NCOR1: variants seen among roughly 807,000 people sequenced by gnomAD.
NCOR1 encodes the protein protein phosphatase 1, regulatory subunit 109.
Under a neutral mutation model 288.1 loss-of-function variants are expected in NCOR1, and 63 were observed. The observed-to-expected ratio is 0.22, with a 90% CI of 0.18 to 0.27. The LOEUF is 0.27. Ranked by LOEUF, NCOR1 falls within the 10% of genes least tolerant of loss-of-function variation. The probability of loss-of-function intolerance (pLI) is 1.00; values close to 1 mark genes in which losing one functional copy is unlikely to be tolerated. For missense variants in NCOR1, 2,397 were observed against 3,019.2 expected (o/e 0.79, Z 4.83); for synonymous variants, 1,007 against 1,065.9 (o/e 0.94, Z 1.08).
intron 14 of NCOR1, among the ~76,000 whole-genome samples, chr17:16,130,415 C>G (rs754122980): frequency 1.3e-5 from 2 of 151,934 alleles, no homozygotes; most frequent in African/African-American, 4.8e-5. Flanking sequence ...AGGTCCACCC[C>G]TTCAAAAGAA....
chr17:16,165,254 A>T, intron 4 of NCOR1, 93 bp from the exon 5 acceptor site: 1 of 965,316 alleles, frequency 1.0e-6, no homozygotes, highest in South Asian at 1.9e-5. Context: ...ACCACAGCAG[A>T]GCCATGTGTA....
In NCOR1 at chr17:16,164,228, G is replaced by C. The variant is rs2081520890; in HGVS notation, c.618+751C>G. On this transcript the variant is annotated intron_variant, in intron 5 of 45. Coordinates refer to ENST00000268712, the MANE Select transcript of NCOR1 (RefSeq NM_006311.4). ...TGCACTCCAGCCTCGGTGACAGAGT[G>C]AGACTCCAAATCTGGAAAAAAAAAA... Among the ~76,000 whole-genome samples the C allele has an allele frequency of 2.1e-5, 3 of 143,220 alleles. No homozygotes were observed. In the Admixed American group the frequency reaches 2.2e-4, roughly 10 times the overall value. 94.0% of individuals were successfully genotyped at this position (143,220 alleles called of 152,430 possible). A position where few individuals can be genotyped will look rare whatever the true frequency, so the allele number is the denominator to read the frequency against.
intron 5 of NCOR1, among the ~76,000 whole-genome samples, chr17:16,163,106 G>A (rs533102766): frequency 3.3e-5 from 5 of 152,158 alleles, no homozygotes; most frequent in Middle Eastern, 3.4e-3. Flanking sequence ...ATCTGTGACC[G>A]CGAATTAGGC....
At chr17:16,176,749 G>C (rs73280301) in intron 3 of NCOR1, among the ~76,000 whole-genome samples, 4,816 of 152,046 alleles carry the variant, frequency 0.032, 322 homozygotes, top group African/African-American at 0.11. Flanking sequence ...GAAGTTTGTA[G>C]CCTGACTCTT....
At chr17:16,160,132 C>G (rs1337830528) in intron 5 of NCOR1, among the ~76,000 whole-genome samples, 2 of 152,006 alleles carry the variant, frequency 1.3e-5, no homozygotes, top group Non-Finnish European at 2.9e-5. Flanking sequence ...ACGCCTGGCT[C>G]CCTTAACTCA....
chr17:16,175,387 ACT>A (rs1282712900), intron 3 of NCOR1, among the ~76,000 whole-genome samples: 1 of 151,698 alleles, frequency 6.6e-6, no homozygotes, highest in Non-Finnish European at 1.5e-5. Flanking sequence ...AAAAAAAAAA[ACT>A]CTGTAGGCTT....
rs144682618 is a variant in NCOR1, at chr17:16,179,225, G to C, written c.243-7230C>G. Among the ~76,000 whole-genome samples the C allele has an allele frequency of 4.4e-3, 667 of 152,016 alleles. 5 individuals are homozygous for C. Among genetic ancestry groups the C allele is most frequent in the African/African-American group, 0.015 (626 of 41,486 alleles). ...TGAAATCAGAAAGGAAATTTATAAA[G>C]GTAATTATATTTCAAAATAACTTAG... is the stretch of plus-strand genomic sequence containing the variant. On this transcript the variant is annotated intron_variant, in intron 3 of 45. Coordinates refer to ENST00000268712, the MANE Select transcript of NCOR1 (RefSeq NM_006311.4).
chr17:16,124,427 G>A (rs765604468), intron 15 of NCOR1, among the ~76,000 whole-genome samples: 3 of 152,170 alleles, frequency 2.0e-5, no homozygotes, highest in Non-Finnish European at 2.9e-5. Context: ...GGAGCATATG[G>A]GAACCGTTTG....
chr17:16,123,792 C>T lies in NCOR1; in HGVS notation c.1634+2290G>A, dbSNP rs1368479361. On this transcript the variant is annotated intron_variant, in intron 15 of 45. Coordinates refer to ENST00000268712, the MANE Select transcript of NCOR1 (RefSeq NM_006311.4). Reference sequence around the variant, plus strand: ...CTTCTTAATCTGCCAAAGCACTTAACTGGTCGTCTGTTGACTTCTTACTGC... The same window carrying T: ...CTTCTTAATCTGCCAAAGCACTTAATTGGTCGTCTGTTGACTTCTTACTGC... Among the ~76,000 whole-genome samples the T allele has an allele frequency of 9.2e-5, 14 of 152,202 alleles. No homozygotes were observed. The East Asian group carries it at 2.7e-3, about 29-fold the overall frequency.
chr17:16,167,094 A>G (rs888575712), intron 4 of NCOR1, among the ~76,000 whole-genome samples: 4 of 152,234 alleles, frequency 2.6e-5, no homozygotes, highest in Non-Finnish European at 4.4e-5. Context: ...AGAAACATAT[A>G]TAATAGCAAA....
At chr17:16,182,469 G>A (rs1212995553) in intron 3 of NCOR1, among the ~76,000 whole-genome samples, 1 of 151,360 alleles carries the variant, frequency 6.6e-6, no homozygotes, top group Non-Finnish European at 1.5e-5. Context: ...TATTTTTTTT[G>A]TTTGAGACGG....
Position 16,211,023 on chromosome 17 carries a change from G to A in NCOR1, c.-71+4339C>T, listed in dbSNP as rs142320800. 1.1e-4 allele frequency among the ~76,000 whole-genome samples: 16 copies of A among 152,074 alleles called. No individual in the cohort carries two copies. In the East Asian group the frequency reaches 2.5e-3, roughly 24 times the overall value. On this transcript the variant is annotated intron_variant, in intron 1 of 45. Transcript: ENST00000268712. ...TGAGATTACAGGTGTGAGCCACCGC[G>A]CCTGGCCGATTTTTAAGTGTCAATC...
At chr17:16,050,040 G>A (rs1000411210) in intron 40 of NCOR1, among the ~76,000 whole-genome samples, 13 of 151,912 alleles carry the variant, frequency 8.6e-5, no homozygotes, top group South Asian at 4.2e-4. Context: ...ACAGGCATGC[G>A]TCACCATGCC....
At chr17:16,092,154 G>T in intron 21 of NCOR1, 96 bp from the exon 22 acceptor site, 1 of 1,388,514 alleles carries the variant, frequency 7.2e-7, no homozygotes, top group South Asian at 1.3e-5. Context: ...TCATGTTATT[G>T]GTTGAATTGA....
At chr17:16,192,756 C>A (rs1481145106) in intron 2 of NCOR1, among the ~76,000 whole-genome samples, 2 of 152,244 alleles carry the variant, frequency 1.3e-5, no homozygotes, top group African/African-American at 2.4e-5. Flanking sequence ...AATTTACATA[C>A]AACAAACATA....
At chr17:16,210,040 A>G (rs2091969671) in intron 1 of NCOR1, among the ~76,000 whole-genome samples, 2 of 152,090 alleles carry the variant, frequency 1.3e-5, no homozygotes, top group Admixed American at 1.3e-4. Context: ...AAAAATCCAG[A>G]AGTCTGAGAG....
chr17:16,155,021 C>G (rs2079494168), intron 6 of NCOR1, among the ~76,000 whole-genome samples: 1 of 152,104 alleles, frequency 6.6e-6, no homozygotes, highest in Non-Finnish European at 1.5e-5. Context: ...CCTTTTCTTT[C>G]TTCTGAAGTC....
chr17:16,076,841 C>A (rs2062535151), intron 26 of NCOR1, among the ~76,000 whole-genome samples: 1 of 152,154 alleles, frequency 6.6e-6, no homozygotes, highest in African/African-American at 2.4e-5. Flanking sequence ...CGAATCCCGG[C>A]AAAACCATTA....
In NCOR1 at chr17:16,070,335, T is replaced by C; in HGVS notation, c.4343A>G (p.His1448Arg). ...VKAGETVRSR[H>R]TSVVSSGPSV... ...GGGGCCAGAGCTTACCACTGACGTG[T>C]GCCGGGAACGCACGGTCTCGCCTGC... Residue 1448 changes from histidine (H) to arginine (R), a missense_variant, in exon 31 of 46, where the codon CAC (histidine) becomes CGC (arginine). Physicochemically the swap from His to Arg is conservative, Grantham distance 29 (BLOSUM62 0). This residue lies in a region of NCOR1 where 1,872 missense variants were observed against 2,187.8 expected (regional missense o/e 0.86). Transcript: ENST00000268712. 6.2e-7 allele frequency: 1 copy of C among 1,614,168 alleles called. No homozygotes were observed. Among genetic ancestry groups the C allele is most frequent in the Non-Finnish European group, 8.5e-7 (1 of 1,180,018 alleles).
Sources: gnomAD v4.1 joint callset for allele counts (sites outside exome capture counted in the v4.1 genomes callset) on GRCh38, gnomAD v4.1.1 for gene constraint, gnomAD v4.1.1 regional missense constraint, MANE v1.5 for transcripts, NCBI Gene and HGNC (gene_info 2026-07-23, HGNC 2026-07-21) for gene names.